Variants in CNTNAP5 observed in about 807,000 individuals in gnomAD.
The protein encoded by CNTNAP5 is contactin associated protein family member 5.
In CNTNAP5, 72 loss-of-function variants were observed where a neutral mutation model predicts 150.2. The ratio of observed to expected loss-of-function variants is 0.48; its 90% CI spans 0.40 to 0.58. The LOEUF is 0.58. Ranked by LOEUF, CNTNAP5 falls within the 20% of genes least tolerant of loss-of-function variation. The probability of loss-of-function intolerance (pLI) is 0.00; values close to 1 mark genes in which losing one functional copy is unlikely to be tolerated. For missense variants in CNTNAP5, 1,636 were observed against 1,626.2 expected (o/e 1.01, Z -0.10); for synonymous variants, 672 against 619.8 (o/e 1.08, Z -1.25).
intron 6 of CNTNAP5, among the ~76,000 whole-genome samples, chr2:124,467,895 GAAT>G (rs1693415145): frequency 6.6e-6 from 1 of 152,080 alleles, no homozygotes. Flanking sequence ...CCTTGATGAT[GAAT>G]AATAATTACT....
At chr2:124,712,260 T>A (rs1412901772) in intron 13 of CNTNAP5, among the ~76,000 whole-genome samples, 1 of 152,222 alleles carries the variant, frequency 6.6e-6, no homozygotes, top group Non-Finnish European at 1.5e-5. Flanking sequence ...TAAGGCTAAA[T>A]CTGAGCAGGC....
chr2:124,250,039 G>T (rs1419851427), intron 3 of CNTNAP5, among the ~76,000 whole-genome samples: 2 of 151,560 alleles, frequency 1.3e-5, no homozygotes, highest in Non-Finnish European at 2.9e-5. Context: ...TCTCAGCTTT[G>T]AAGTGTGACA....
chr2:124,624,528 A>C (rs1677679991), intron 12 of CNTNAP5, among the ~76,000 whole-genome samples: 1 of 152,188 alleles, frequency 6.6e-6, no homozygotes, highest in Non-Finnish European at 1.5e-5. Context: ...CACATTATTC[A>C]TTAATTCAGT....
At chr2:124,768,428 C>T (rs1335315098) in intron 16 of CNTNAP5, among the ~76,000 whole-genome samples, 3 of 152,048 alleles carry the variant, frequency 2.0e-5, no homozygotes, top group Non-Finnish European at 1.5e-5. Context: ...ATGATGTTAA[C>T]TTGGACACAC....
intron 21 of CNTNAP5, among the ~76,000 whole-genome samples, chr2:124,874,081 C>G (rs1159149765): frequency 6.6e-6 from 1 of 151,820 alleles, no homozygotes; most frequent in African/African-American, 2.4e-5. Context: ...AGATACTGGC[C>G]CATGAAAAAT....
chr2:124,187,634 C>T lies in CNTNAP5; in HGVS notation c.83-34071C>T, dbSNP rs143216144. ...TCTCAAAAACAAGGTGGTGAGTTGC[C>T]CAAATAGGAACTTCACTGGTATAAA... On this transcript the variant is annotated intron_variant, in intron 1 of 23. Transcript: ENST00000682447. 4.0e-4 allele frequency among the ~76,000 whole-genome samples: 61 copies of T among 152,124 alleles called. 1 individual carries two copies. The highest frequency in any genetic ancestry group is 7.5e-4 in the Non-Finnish European group (51 of 67,978).
chr2:124,277,946 C>A (rs544703566), intron 3 of CNTNAP5, among the ~76,000 whole-genome samples: 1 of 152,158 alleles, frequency 6.6e-6, no homozygotes, highest in Non-Finnish European at 1.5e-5. Flanking sequence ...ACCTTCCCAT[C>A]AAGTGCCCCT....
At chr2:124,859,631 T>C (rs1416241157) in intron 19 of CNTNAP5, among the ~76,000 whole-genome samples, 1 of 152,230 alleles carries the variant, frequency 6.6e-6, no homozygotes, top group African/African-American at 2.4e-5. Context: ...GCAGCACTAT[T>C]CACAATAGCA....
At chr2:124,778,308 G>A (rs555929822) in intron 17 of CNTNAP5, 3 of 152,252 alleles carry the variant, frequency 2.0e-5, no homozygotes, top group South Asian at 2.1e-4. Context: ...ACTCAGAGGA[G>A]GTGAGAAAGC....
intron 10 of CNTNAP5, among the ~76,000 whole-genome samples, chr2:124,528,427 T>G (rs10197685): frequency 0.52 from 78,796 of 151,938 alleles, 20,844 homozygotes; most frequent in South Asian, 0.57. Context: ...GCTAGGCCAA[T>G]GTTGAGAGGG....
At position 124,733,641 on chromosome 2, in the gene CNTNAP5, G is replaced by A. The variant is rs77715531; in HGVS notation, c.2078-13588G>A. Among the ~76,000 whole-genome samples the A allele has an allele frequency of 3.0e-3, 452 of 152,260 alleles. 3 individuals are homozygous for A. The highest frequency in any genetic ancestry group is 0.01 in the African/African-American group (427 of 41,556). ...TATGAAAAGTAGCTTGGGGGCTAGG[G>A]AGTAGAGGTATTGAAGAGCAGATTG... On this transcript the variant is annotated intron_variant, in intron 13 of 23. Transcript: ENST00000682447.
Position 124,406,752 on chromosome 2 carries a change from G to T in CNTNAP5, c.382-10691G>T, listed in dbSNP as rs549185528. 6.2e-4 allele frequency among the ~76,000 whole-genome samples: 94 copies of T among 152,214 alleles called. 1 individual carries two copies. The South Asian group carries it at 8.7e-3, about 14-fold the overall frequency. On this transcript the variant is annotated intron_variant, in intron 3 of 23. Transcript: ENST00000682447. ...TTTAAAATATATAATACATGTTGTT[G>T]TTAACTATAGTCACTCTACTGTGCT... is the stretch of plus-strand genomic sequence containing the variant.
intron 18 of CNTNAP5, among the ~76,000 whole-genome samples, chr2:124,795,369 C>G (rs572368592): frequency 1.3e-5 from 2 of 152,276 alleles, no homozygotes; most frequent in African/African-American, 4.8e-5. Flanking sequence ...AATGCCCTGT[C>G]AATACGGAGA....
intron 3 of CNTNAP5, among the ~76,000 whole-genome samples, chr2:124,321,313 C>T (rs907824523): frequency 6.6e-5 from 10 of 151,888 alleles, no homozygotes; most frequent in African/African-American, 2.2e-4. Flanking sequence ...TGTGGTGGCA[C>T]ATATCTGTAA....
At chr2:124,462,952 C>G (rs1693287572) in intron 6 of CNTNAP5, among the ~76,000 whole-genome samples, 2 of 152,144 alleles carry the variant, frequency 1.3e-5, no homozygotes. Context: ...CGGTGAAGAC[C>G]CTTGAAGGAC....
At chr2:124,792,033 C>T (rs565310534) in intron 18 of CNTNAP5, among the ~76,000 whole-genome samples, 1 of 152,224 alleles carries the variant, frequency 6.6e-6, no homozygotes, top group African/African-American at 2.4e-5. Flanking sequence ...AATGGGAAGC[C>T]AGTGGCTACA....
At chr2:124,793,809 C>T (rs1327045137) in intron 18 of CNTNAP5, among the ~76,000 whole-genome samples, 2 of 152,058 alleles carry the variant, frequency 1.3e-5, no homozygotes, top group Non-Finnish European at 2.9e-5. Context: ...ACACACACAC[C>T]ATTAATAAAG....
chr2:124,328,283 G>C (rs1270786652), intron 3 of CNTNAP5, among the ~76,000 whole-genome samples: 1 of 152,104 alleles, frequency 6.6e-6, no homozygotes, highest in African/African-American at 2.4e-5. Context: ...TTACATTGAT[G>C]TTCTCTGTTC....
At chr2:124,533,539 G>A (rs931891897) in intron 10 of CNTNAP5, among the ~76,000 whole-genome samples, 2 of 152,158 alleles carry the variant, frequency 1.3e-5, no homozygotes, top group Non-Finnish European at 2.9e-5. Flanking sequence ...GAGAGGGATG[G>A]TTCCTGCCCC....
Sources: gnomAD v4.1 joint callset for allele counts (sites outside exome capture counted in the v4.1 genomes callset) on GRCh38, gnomAD v4.1.1 for gene constraint, MANE v1.5 for transcripts, NCBI Gene and HGNC (gene_info 2026-07-23, HGNC 2026-07-21) for gene names.